Variants in PCP4 observed in about 807,000 individuals in gnomAD.
The protein encoded by PCP4 is Purkinje cell protein 4.
Under a neutral mutation model 10.0 loss-of-function variants are expected in PCP4, and 8 were observed. That is an observed-to-expected ratio of 0.80 (90% CI 0.47 to 1.45). The LOEUF (loss-of-function observed/expected upper bound fraction) is 1.45, where lower values mean the gene tolerates loss of function less well. Among genes scored for constraint, PCP4 ranks in the 40% most tolerant of loss-of-function variants. The probability of loss-of-function intolerance (pLI) is 0.00; values close to 1 mark genes in which losing one functional copy is unlikely to be tolerated. For synonymous variants in PCP4, 21 were observed against 23.0 expected (o/e 0.91, Z 0.24); for missense variants, 54 against 74.4 (o/e 0.73, Z 1.01).
intron 1 of PCP4, among the ~76,000 whole-genome samples, chr21:39,895,348 CTGT>C (rs1476302361): frequency 6.6e-6 from 1 of 152,232 alleles, no homozygotes; most frequent in African/African-American, 2.4e-5. Context: ...GAGCCCTTGG[CTGT>C]TGTTTGCCTC....
intron 2 of PCP4, among the ~76,000 whole-genome samples, chr21:39,907,680 C>T (rs557418499): frequency 6.6e-6 from 1 of 152,136 alleles, no homozygotes; most frequent in African/African-American, 2.4e-5. Context: ...ACCTGTAATC[C>T]CAGTTACTTG....
chr21:39,924,406 C>G (rs1271022713), intron 2 of PCP4, among the ~76,000 whole-genome samples: 1 of 152,168 alleles, frequency 6.6e-6, no homozygotes, highest in African/African-American at 2.4e-5. Context: ...CAGATTTTAC[C>G]TGAAATCCAT....
chr21:39,899,706 C>T (rs954491025), intron 2 of PCP4, among the ~76,000 whole-genome samples: 1 of 152,106 alleles, frequency 6.6e-6, no homozygotes, highest in African/African-American at 2.4e-5. Flanking sequence ...TCCATGAGGC[C>T]AATGGCTCTT....
chr21:39,929,159 C>A lies in PCP4; in HGVS notation c.*48C>A. On this transcript the variant is annotated 3_prime_UTR_variant, in exon 3 of 3. Coordinates refer to ENST00000328619, the MANE Select transcript of PCP4 (RefSeq NM_006198.3). ...ACCTGAAAACACCAAATTCAACCATCATCTGTCAAGAAATTAAAAGAACAA... is the reference window on the plus strand; with the variant it reads ...ACCTGAAAACACCAAATTCAACCATAATCTGTCAAGAAATTAAAAGAACAA... 1 of 1,570,612 alleles carries A rather than the reference C, an allele frequency of 6.4e-7. No homozygotes were observed. Among genetic ancestry groups the A allele is most frequent in the South Asian group, 1.2e-5 (1 of 85,870 alleles).
At chr21:39,914,577 A>AAAAG (rs1774449537) in intron 2 of PCP4, among the ~76,000 whole-genome samples, 1 of 151,326 alleles carries the variant, frequency 6.6e-6, no homozygotes, top group African/African-American at 2.4e-5. Context: ...CTGTCTCAAA[A>AAAAG]AAAAAAAAAA....
At chr21:39,898,045 C>CAAAAAAAAAA (rs780273912) in intron 1 of PCP4, among the ~76,000 whole-genome samples, 1 of 74,050 alleles carries the variant, frequency 1.4e-5, no homozygotes, top group African/African-American at 4.9e-5. Context: ...GACTCAGTCT[C>CAAAAAAAAAA]AAAAAAAAAA....
At chr21:39,886,372 A>G (rs769382498) in intron 1 of PCP4, among the ~76,000 whole-genome samples, 1 of 152,256 alleles carries the variant, frequency 6.6e-6, no homozygotes, top group African/African-American at 2.4e-5. Context: ...ACTAAAATAC[A>G]AATCTACTAA....
chr21:39,877,471 A>G (rs1601171298), intron 1 of PCP4, among the ~76,000 whole-genome samples: 1 of 151,848 alleles, frequency 6.6e-6, no homozygotes, highest in East Asian at 1.9e-4. Context: ...AGGATTGGTT[A>G]AGCCCAGGAG....
rs2087468340 is a variant in PCP4 at position 39,898,542 on chromosome 21, A to G, written c.61+15A>G. ...TGGTGAAAATGGTAAGAGGACATGA[A>G]TAGTCCAAGTTCTTTCTCTTTTGCC... On this transcript the variant is annotated intron_variant, in intron 2 of 2. Coordinates refer to ENST00000328619, the MANE Select transcript of PCP4 (RefSeq NM_006198.3). The G allele has an allele frequency of 2.5e-6, 4 of 1,608,166 alleles. No homozygotes were observed. The East Asian group carries it at 6.7e-5, about 27-fold the overall frequency.
At chr21:39,887,323 CT>C (rs1055162395) in intron 1 of PCP4, among the ~76,000 whole-genome samples, 11 of 140,702 alleles carry the variant, frequency 7.8e-5, no homozygotes, top group East Asian at 2.1e-4. Context: ...AATCCCATCA[CT>C]TTTTTTTAAC....
intron 1 of PCP4, among the ~76,000 whole-genome samples, chr21:39,892,740 A>T (rs1367861485): frequency 6.6e-6 from 1 of 152,158 alleles, no homozygotes; most frequent in East Asian, 1.9e-4. Context: ...AAATTGTTTT[A>T]AAGTGTACAG....
chr21:39,916,071 G>A (rs1271788467), intron 2 of PCP4: 1 of 152,144 alleles, frequency 6.6e-6, no homozygotes, highest in Admixed American at 6.5e-5. Context: ...CCTAGTCAGA[G>A]TGTGAAGAAG....
At chr21:39,875,121 T>G (rs1044272288) in intron 1 of PCP4, among the ~76,000 whole-genome samples, 1 of 152,240 alleles carries the variant, frequency 6.6e-6, no homozygotes. Flanking sequence ...GGGGAACTAC[T>G]GTGTGCAATT....
chr21:39,879,717 T>A (rs542036137), intron 1 of PCP4, among the ~76,000 whole-genome samples: 1 of 152,302 alleles, frequency 6.6e-6, no homozygotes, highest in South Asian at 2.1e-4. Flanking sequence ...AAACACATCA[T>A]GGTTCTGTAA....
At chr21:39,903,235 C>G (rs1004375586) in intron 2 of PCP4, among the ~76,000 whole-genome samples, 1 of 152,156 alleles carries the variant, frequency 6.6e-6, no homozygotes. Flanking sequence ...CTTACCCAAG[C>G]TAAATTGAAT....
chr21:39,884,664 G>T (rs537049525), intron 1 of PCP4, among the ~76,000 whole-genome samples: 5 of 151,998 alleles, frequency 3.3e-5, no homozygotes, highest in Non-Finnish European at 7.4e-5. Context: ...AGGCGTGGTG[G>T]CATGTGCCTG....
chr21:39,890,772 C>T (rs1283537293), intron 1 of PCP4, among the ~76,000 whole-genome samples: 1 of 152,106 alleles, frequency 6.6e-6, no homozygotes, highest in Non-Finnish European at 1.5e-5. Flanking sequence ...TCTTGGAGCC[C>T]TCTTAAATTT....
rs553937205 is a variant in PCP4, at chr21:39,920,472, G to A, written c.62-8512G>A. On this transcript the variant is annotated intron_variant, in intron 2 of 2. Coordinates refer to ENST00000328619, the MANE Select transcript of PCP4 (RefSeq NM_006198.3). Reference sequence around the variant, plus strand: ...TGTCGGTCTGTTGTGTGTGTGTGGCGTGTTGTATGTGTGTGTGTCTGTGTG... The same window carrying A: ...TGTCGGTCTGTTGTGTGTGTGTGGCATGTTGTATGTGTGTGTGTCTGTGTG... Among the ~76,000 whole-genome samples, 9 of 151,720 alleles carry A rather than the reference G, an allele frequency of 5.9e-5. No homozygotes were observed. The South Asian group carries it at 1.3e-3, about 21-fold the overall frequency.
intron 1 of PCP4, among the ~76,000 whole-genome samples, chr21:39,879,877 T>TA (rs2087364282): frequency 6.6e-6 from 1 of 152,184 alleles, no homozygotes; most frequent in South Asian, 2.1e-4. Flanking sequence ...TGCCCCTTGT[T>TA]AAACATTGAT....
Sources: gnomAD v4.1 joint callset for allele counts (sites outside exome capture counted in the v4.1 genomes callset) on GRCh38, gnomAD v4.1.1 for gene constraint, MANE v1.5 for transcripts, NCBI Gene and HGNC (gene_info 2026-07-23, HGNC 2026-07-21) for gene names.